The following MRPS35 variants were observed in gnomAD, a reference collection of about 807,000 sequenced individuals.
MRPS35 encodes small ribosomal subunit protein mS35.
A neutral mutation model predicts 32.7 loss-of-function variants in MRPS35; 29 were observed. The observed-to-expected ratio is 0.89, with a 90% CI of 0.66 to 1.21. The LOEUF is 1.21. Ranked by LOEUF, MRPS35 falls within the 50% of genes most tolerant of loss-of-function variation. MRPS35 has a pLI of 0.00. For missense variants in MRPS35, 373 were observed against 383.8 expected, an observed-to-expected ratio of 0.97 and a Z score of 0.23; for synonymous variants, 148 against 139.3, an observed-to-expected ratio of 1.06 and a Z score of -0.44.
intron 4 of MRPS35, among the ~76,000 whole-genome samples, chr12:27,721,835 A>G (rs2061876574): frequency 6.6e-6 from 1 of 152,122 alleles, no homozygotes; most frequent in African/African-American, 2.4e-5. Context: ...ATTCCACAGT[A>G]CAGCACTTTG....
At chr12:27,734,617 T>C (rs1260004803) in intron 5 of MRPS35, among the ~76,000 whole-genome samples, 1 of 152,162 alleles carries the variant, frequency 6.6e-6, no homozygotes, top group Non-Finnish European at 1.5e-5. Flanking sequence ...AATTAAAAAT[T>C]GTGTTCATTT....
intron 7 of MRPS35, among the ~76,000 whole-genome samples, chr12:27,737,953 C>T (rs1256470354): frequency 1.3e-5 from 2 of 152,114 alleles, no homozygotes; most frequent in African/African-American, 2.4e-5. Flanking sequence ...AATTCATCCT[C>T]TTTAAATAAA....
At chr12:27,712,731 A>G (rs777769685) in intron 1 of MRPS35, among the ~76,000 whole-genome samples, 13 of 152,224 alleles carry the variant, frequency 8.5e-5, no homozygotes, top group Non-Finnish European at 1.9e-4. Context: ...AAGCCCTGCC[A>G]AGGGGCTGAG....
Position 27,737,617 on chromosome 12 carries a change from G to A in MRPS35, c.702+9G>A. 1 of 1,586,954 alleles carries A rather than the reference G, an allele frequency of 6.3e-7. No homozygotes were observed. The highest frequency in any genetic ancestry group is 8.6e-7 in the Non-Finnish European group (1 of 1,159,518). ...TATACCATGAGTCTTGGGTAAGTGT[G>A]TGTGAATATTTAATGATTTTGTCAT... On this transcript the variant is annotated intron_variant, in intron 7 of 7. Transcript: ENST00000081029.
At chr12:27,718,767 C>T (rs80292377) in intron 3 of MRPS35, among the ~76,000 whole-genome samples, 98 of 152,194 alleles carry the variant, frequency 6.4e-4, no homozygotes, top group African/African-American at 2.0e-3. Context: ...CTATGCAGCC[C>T]AGGGGAATTG....
At chr12:27,720,771 AT>A (rs1470336014) in intron 4 of MRPS35, among the ~76,000 whole-genome samples, 1 of 149,652 alleles carries the variant, frequency 6.7e-6, no homozygotes. Flanking sequence ...AAACCTATTG[AT>A]TTCTAGGTAT....
At chr12:27,754,436 C>G (rs1354931049) in intron 7 of MRPS35, among the ~76,000 whole-genome samples, 1 of 151,898 alleles carries the variant, frequency 6.6e-6, no homozygotes, top group Non-Finnish European at 1.5e-5. Context: ...TAATGATCTC[C>G]TTGGTACTAA....
chr12:27,754,927 CAG>C (rs952550243), intron 7 of MRPS35, among the ~76,000 whole-genome samples: 1 of 152,140 alleles, frequency 6.6e-6, no homozygotes, highest in African/African-American at 2.4e-5. Context: ...CGAGTGGTAA[CAG>C]AGCTTGACAG....
chr12:27,732,209 A>G (rs1216268469), intron 5 of MRPS35, among the ~76,000 whole-genome samples: 5 of 152,160 alleles, frequency 3.3e-5, no homozygotes, highest in Admixed American at 2.6e-4. Context: ...CTAGATCTTA[A>G]TTTACGTTAT....
At chr12:27,738,910 G>A (rs1039039174) in intron 7 of MRPS35, among the ~76,000 whole-genome samples, 3 of 148,968 alleles carry the variant, frequency 2.0e-5, no homozygotes, top group African/African-American at 7.6e-5. Context: ...GGTTTACTGA[G>A]AACTTTTTTT....
intron 4 of MRPS35, 75 bp downstream of exon 4, chr12:27,719,943 T>G: frequency 9.3e-7 from 1 of 1,069,586 alleles, no homozygotes; most frequent in South Asian, 1.4e-5. Context: ...TCTGATATAC[T>G]GTATAGCCTT....
intron 7 of MRPS35, 52 bp from the exon 8 acceptor site, chr12:27,755,129 T>C (rs1285612432): frequency 2.1e-6 from 3 of 1,457,958 alleles, no homozygotes; most frequent in African/African-American, 1.4e-5. Flanking sequence ...AACAAACATT[T>C]GATATTTCTC....
chr12:27,727,688 C>G (rs1248419050), intron 5 of MRPS35, among the ~76,000 whole-genome samples: 1 of 152,108 alleles, frequency 6.6e-6, no homozygotes, highest in African/African-American at 2.4e-5. Flanking sequence ...TATTCAAGGT[C>G]ATAAAAGATT....
intron 4 of MRPS35, among the ~76,000 whole-genome samples, chr12:27,721,054 G>A (rs1424014893): frequency 1.3e-5 from 2 of 152,138 alleles, no homozygotes; most frequent in East Asian, 3.9e-4. Flanking sequence ...TTTCAGGAAA[G>A]AATATGAAAC....
At chr12:27,730,854 C>T (rs1213000661) in intron 5 of MRPS35, among the ~76,000 whole-genome samples, 1 of 152,098 alleles carries the variant, frequency 6.6e-6, no homozygotes, top group African/African-American at 2.4e-5. Context: ...ATTATACTTC[C>T]TCCCCTCTTA....
rs77363110 is a variant in MRPS35, at chr12:27,729,954, A to G, written c.523-5493A>G. ...GGCATATCTTTTTCACACAGCAGTC[A>G]TGGAGCAGTTACCTGATATACTTTT... On this transcript the variant is annotated intron_variant, in intron 5 of 7. Coordinates refer to ENST00000081029, the MANE Select transcript of MRPS35 (RefSeq NM_021821.4). 5.0e-3 allele frequency among the ~76,000 whole-genome samples: 755 copies of G among 152,354 alleles called. 6 individuals are homozygous for G. Among genetic ancestry groups the G allele is most frequent in the African/African-American group, 0.017 (725 of 41,574 alleles).
At chr12:27,721,341 A>G (rs1173035309) in intron 4 of MRPS35, among the ~76,000 whole-genome samples, 1 of 152,150 alleles carries the variant, frequency 6.6e-6, no homozygotes, top group Non-Finnish European at 1.5e-5. Flanking sequence ...GCCTGGAATT[A>G]GATTAAAACT....
intron 2 of MRPS35, among the ~76,000 whole-genome samples, chr12:27,715,859 A>T (rs1187051775): frequency 6.6e-6 from 1 of 152,188 alleles, no homozygotes; most frequent in African/African-American, 2.4e-5. Context: ...TATTTATTCA[A>T]TCAGTTTAAC....
intron 5 of MRPS35, among the ~76,000 whole-genome samples, chr12:27,725,868 C>T (rs565960694): frequency 3.7e-5 from 5 of 133,938 alleles, no homozygotes; most frequent in Admixed American, 8.8e-5. Context: ...TGCAGTGGCG[C>T]GATCTTGGCT....
Sources: allele counts gnomAD v4.1 joint callset (sites outside exome capture counted in the v4.1 genomes callset), GRCh38; gene constraint gnomAD v4.1.1; transcripts MANE v1.5; gene names NCBI Gene and HGNC (gene_info 2026-07-23, HGNC 2026-07-21).